The following FRMD6 variants were observed in gnomAD, a reference collection of about 807,000 sequenced individuals.
FRMD6 encodes the protein FERM domain containing 6.
In FRMD6, 37 loss-of-function variants were observed where a neutral mutation model predicts 73.2. The ratio of observed to expected loss-of-function variants is 0.51; its 90% CI spans 0.39 to 0.66. FRMD6 has a LOEUF of 0.66. Ranked by LOEUF, FRMD6 falls within the 30% of genes least tolerant of loss-of-function variation. The pLI, the probability that FRMD6 is intolerant of heterozygous loss-of-function variation, is 0.00. For synonymous variants in FRMD6, 273 were observed against 282.2 expected, an observed-to-expected ratio of 0.97 and a Z score of 0.33; for missense variants, 714 against 780.5, an observed-to-expected ratio of 0.91 and a Z score of 1.02.
At chr14:51,413,832 C>G in the FRMD6 span, among the ~76,000 whole-genome samples, 721 of 152,310 alleles carry the variant, frequency 4.7e-3, 2 homozygotes, top group Non-Finnish European at 6.6e-3. Flanking sequence ...TGTACCCTGA[C>G]TTTTTAATGA....
chr14:51,553,016 G>C (rs980561767), intron 1 of FRMD6, among the ~76,000 whole-genome samples: 15 of 152,182 alleles, frequency 9.9e-5, no homozygotes, highest in Non-Finnish European at 1.6e-4. Context: ...AGGGGAGACT[G>C]CCAATACCTG....
chr14:51,675,446 T>C (rs943576716), intron 1 of FRMD6, among the ~76,000 whole-genome samples: 1 of 152,124 alleles, frequency 6.6e-6, no homozygotes, highest in East Asian at 1.9e-4. Flanking sequence ...GGAGACAGAA[T>C]CTGTACATGA....
chr14:51,672,800 T>C (rs1894107342), intron 1 of FRMD6, among the ~76,000 whole-genome samples: 1 of 152,196 alleles, frequency 6.6e-6, no homozygotes. Context: ...AATGTAAAAT[T>C]ATTCATAATA....
intron 2 of FRMD6, among the ~76,000 whole-genome samples, chr14:51,639,110 C>A (rs1463627545): frequency 1.3e-5 from 2 of 151,466 alleles, no homozygotes; most frequent in Non-Finnish European, 2.9e-5. Flanking sequence ...CAGGACTTTT[C>A]TTTTCCTTTG....
At chr14:51,605,755 T>C (rs545371440) in intron 2 of FRMD6, among the ~76,000 whole-genome samples, 1 of 152,292 alleles carries the variant, frequency 6.6e-6, no homozygotes, top group East Asian at 1.9e-4. Context: ...GCTAACAGGA[T>C]GTGGGCTATA....
chr14:51,585,961 A>ATATATATAT (rs1555324347), intron 2 of FRMD6, among the ~76,000 whole-genome samples: 17 of 56,254 alleles, frequency 3.0e-4, no homozygotes, highest in Non-Finnish European at 5.0e-4. Context: ...ATATATATAT[A>ATATATATAT]ACATTTTCTT....
intron 1 of FRMD6, among the ~76,000 whole-genome samples, chr14:51,510,560 T>C (rs1346775930): frequency 6.6e-6 from 1 of 152,254 alleles, no homozygotes; most frequent in Non-Finnish European, 1.5e-5. Context: ...TGTTTCTCAG[T>C]TACCTCGTGA....
the FRMD6 span, among the ~76,000 whole-genome samples, chr14:51,421,870 T>A: frequency 6.6e-6 from 1 of 152,170 alleles, no homozygotes; most frequent in African/African-American, 2.4e-5. Context: ...CTGCAGACTT[T>A]CCCCTTGCTC....
intron 1 of FRMD6, among the ~76,000 whole-genome samples, chr14:51,530,644 CTA>C (rs202061128): frequency 6.9e-4 from 25 of 36,376 alleles, no homozygotes; most frequent in African/African-American, 2.4e-3. Flanking sequence ...CCACACCCAG[CTA>C]TTTTTTTTTT....
chr14:51,494,123 G>T (rs1883164837), intron 1 of FRMD6, among the ~76,000 whole-genome samples: 1 of 136,094 alleles, frequency 7.3e-6, no homozygotes. Flanking sequence ...TTCTGTCCCA[G>T]TCCCCCAAAA....
intron 2 of FRMD6, among the ~76,000 whole-genome samples, chr14:51,617,447 T>C (rs562073355): frequency 6.6e-6 from 1 of 152,198 alleles, no homozygotes; most frequent in African/African-American, 2.4e-5. Context: ...GAAAACCTGA[T>C]TGAGAAAAGC....
At chr14:51,403,042 C>T in the FRMD6 span, among the ~76,000 whole-genome samples, 2,919 of 152,154 alleles carry the variant, frequency 0.019, 88 homozygotes, top group African/African-American at 0.065. Context: ...CAAATGCTTA[C>T]GAAGGCTTGA....
the FRMD6 span, among the ~76,000 whole-genome samples, chr14:51,418,212 A>G: frequency 3.1e-4 from 47 of 152,284 alleles, no homozygotes; most frequent in South Asian, 3.5e-3. Context: ...AGGAGCTGCA[A>G]TCCTTTGGAG....
chr14:51,549,038 T>C (rs1886633415), intron 1 of FRMD6, among the ~76,000 whole-genome samples: 2 of 152,232 alleles, frequency 1.3e-5, no homozygotes, highest in Admixed American at 6.5e-5. Context: ...AAGGCATTTA[T>C]ATTCCAGTTA....
chr14:51,612,500 T>C (rs1326843360), intron 2 of FRMD6, among the ~76,000 whole-genome samples: 3 of 152,366 alleles, frequency 2.0e-5, no homozygotes, highest in Non-Finnish European at 4.4e-5. Flanking sequence ...ACCGGCTACA[T>C]GACCTTGGGC....
intron 1 of FRMD6, among the ~76,000 whole-genome samples, chr14:51,490,547 T>C (rs1416502018): frequency 2.0e-5 from 3 of 152,088 alleles, no homozygotes; most frequent in Non-Finnish European, 4.4e-5. Flanking sequence ...CCGTGCTGGG[T>C]CCTGGCTGTA....
intron 2 of FRMD6, among the ~76,000 whole-genome samples, chr14:51,619,414 A>G (rs1170406994): frequency 6.6e-6 from 1 of 152,042 alleles, no homozygotes; most frequent in African/African-American, 2.4e-5. Context: ...AAGAAGAAGA[A>G]AGGTCCTGGC....
chr14:51,451,177 C>G, the FRMD6 span, among the ~76,000 whole-genome samples: 1 of 151,994 alleles, frequency 6.6e-6, no homozygotes, highest in Non-Finnish European at 1.5e-5. Context: ...ACATAAAGCT[C>G]AATGCATGAC....
chr14:51,457,389 A>G, the FRMD6 span, among the ~76,000 whole-genome samples: 33 of 152,310 alleles, frequency 2.2e-4, 1 homozygote, highest in African/African-American at 7.7e-4. Flanking sequence ...AAACGAACCA[A>G]TGACAGAAGG....
Sources: allele counts gnomAD v4.1 joint callset (sites outside exome capture counted in the v4.1 genomes callset), GRCh38; gene constraint gnomAD v4.1.1; transcripts MANE v1.5; gene names NCBI Gene and HGNC (gene_info 2026-07-23, HGNC 2026-07-21).